The following C9orf152 variants were observed in gnomAD, a reference collection of about 807,000 sequenced individuals.
C9orf152 encodes the protein uncharacterized protein C9orf152.
Under a neutral mutation model 8.5 loss-of-function variants are expected in C9orf152, and 8 were observed. The observed-to-expected ratio is 0.94, with a 90% CI of 0.55 to 1.70. The LOEUF (loss-of-function observed/expected upper bound fraction) is 1.70, where lower values mean the gene tolerates loss of function less well. Among genes scored for constraint, C9orf152 ranks in the 40% most tolerant of loss-of-function variants. C9orf152 has a pLI of 0.00. For synonymous variants in C9orf152, 109 were observed against 113.0 expected, an observed-to-expected ratio of 0.96 and a Z score of 0.22; for missense variants, 293 against 286.2, an observed-to-expected ratio of 1.02 and a Z score of -0.17.
intron 1 of C9orf152, among the ~76,000 whole-genome samples, chr9:110,204,717 A>T (rs1053046650): frequency 2.0e-5 from 3 of 152,206 alleles, no homozygotes; most frequent in African/African-American, 7.2e-5. Flanking sequence ...AATCTCCAGA[A>T]TTCTTCAGTT....
intron 1 of C9orf152, 78 bp downstream of exon 1, chr9:110,207,309 G>A (rs1181572288): frequency 6.6e-7 from 1 of 1,508,500 alleles, no homozygotes; most frequent in African/African-American, 1.4e-5. Context: ...GCAAAGCCCT[G>A]GCTCTGCCTC....
chr9:110,207,398 A>T lies in C9orf152; in HGVS notation c.182T>A (p.Val61Glu). 6.2e-7 allele frequency: 1 copy of T among 1,612,066 alleles called. No homozygotes were observed. Among genetic ancestry groups the T allele is most frequent in the Non-Finnish European group, 8.5e-7 (1 of 1,179,112 alleles). ...CTGTCCATTCCTACCTTTTGGAAGC[A>T]CCAGGAGGTGGGCCTGGGTCCTCTG... is the stretch of plus-strand genomic sequence containing the variant. ...RQQRTQAHLL[V>E]LPKGGNTPAP... The change falls in exon 1 of 2, where the codon GTG (valine) becomes GAG (glutamate). Residue 61 changes from valine to glutamate, a missense_variant. Transcript: ENST00000400613.
rs1240814492 is a variant in C9orf152 at position 110,199,628 on chromosome 9, CA to C, written c.*1319del. The C allele has an allele frequency of 6.6e-6, 1 of 151,934 alleles. No individual in the cohort carries two copies. Among genetic ancestry groups the C allele is most frequent in the Non-Finnish European group, 1.5e-5 (1 of 67,996 alleles). The allele number at this position is 151,934 out of a possible 1,614,324, so 9.4% of individuals were successfully genotyped here. On this transcript the variant is annotated 3_prime_UTR_variant, in exon 2 of 2. Coordinates refer to ENST00000400613, the MANE Select transcript of C9orf152 (RefSeq NM_001012993.3). ...ACAACTGAATTGTATTAATTATTCA[CA>C]AAAGGAATGACAATCCCCAAATTTG...
At chr9:110,207,280 C>T in intron 1 of C9orf152, 107 bp downstream of exon 1, 2 of 1,295,946 alleles carry the variant, frequency 1.5e-6, no homozygotes, top group Admixed American at 2.1e-5. Context: ...CTGCTCTTCC[C>T]CACTGGGAGG....
Position 110,207,891 on chromosome 9 carries a change from C to A in C9orf152, c.-312G>T. On this transcript the variant is annotated 5_prime_UTR_variant, in exon 1 of 2. Transcript: ENST00000400613. ...GGAGGAAGGAGGTGATAGTGACAAGCGGGGATTAATGGGGCGAGAGAAGAA... is the reference window on the plus strand; with the variant it reads ...GGAGGAAGGAGGTGATAGTGACAAGAGGGGATTAATGGGGCGAGAGAAGAA... The A allele has an allele frequency of 3.3e-6, 1 of 302,912 alleles. No homozygotes were observed. The allele number at this position is 302,912 out of a possible 1,614,324, so 18.8% of individuals were successfully genotyped here.
intron 1 of C9orf152, among the ~76,000 whole-genome samples, chr9:110,203,265 C>T (rs10980252): frequency 0.24 from 35,776 of 151,972 alleles, 4,863 homozygotes; most frequent in Middle Eastern, 0.34. Flanking sequence ...CCTTGTGATC[C>T]GCCCGCCTCG....
intron 1 of C9orf152, among the ~76,000 whole-genome samples, chr9:110,204,424 C>T (rs147201687): frequency 4.6e-5 from 7 of 152,300 alleles, no homozygotes; most frequent in East Asian, 1.9e-4. Context: ...AGCTTCTAAA[C>T]GCAACCCAAT....
rs764612111 is a variant in C9orf152, at chr9:110,200,971, G to T, written c.697C>A (p.Leu233Met). 2.4e-5 allele frequency: 39 copies of T among 1,612,082 alleles called. No individual in the cohort carries two copies. The highest frequency in any genetic ancestry group is 3.3e-5 in the Non-Finnish European group (39 of 1,179,190). The part of the protein sequence containing the change: ...TPRISQAARN[L>M]GLYGSA Reference sequence around the variant, plus strand: ...CTTCACGCTGAGCCATATAAGCCCAGGTTCCGGGCAGCTTGGGAGATCCTG... The same window carrying T: ...CTTCACGCTGAGCCATATAAGCCCATGTTCCGGGCAGCTTGGGAGATCCTG... Residue 233 changes from leucine to methionine, a missense_variant, in exon 2 of 2, where the codon CTG (leucine) becomes ATG (methionine). Physicochemically the swap from Leu to Met is conservative, Grantham distance 15. Coordinates refer to ENST00000400613, the MANE Select transcript of C9orf152 (RefSeq NM_001012993.3).
chr9:110,203,238 T>A (rs1837241854), intron 1 of C9orf152, among the ~76,000 whole-genome samples: 2 of 152,092 alleles, frequency 1.3e-5, no homozygotes, highest in Non-Finnish European at 2.9e-5. Context: ...TTAGCCAGGA[T>A]GGTCTCGATT....
In C9orf152 at chr9:110,207,414, G is replaced by T; in HGVS notation, c.166C>A (p.Gln56Lys). 1 of 1,612,984 alleles carries T rather than the reference G, an allele frequency of 6.2e-7. No homozygotes were observed. The highest frequency in any genetic ancestry group is 2.2e-5 in the East Asian group (1 of 44,762). ...YEGLKRQQRT[Q>K]AHLLVLPKGG... ...TTTGGAAGCACCAGGAGGTGGGCCT[G>T]GGTCCTCTGCTGCCTCTTCAAGCCT... The change falls in exon 1 of 2, where the codon CAG becomes AAG. Residue 56 changes from glutamine to lysine, a missense_variant. Physicochemically the swap from Gln to Lys is moderately conservative, Grantham distance 53. Transcript: ENST00000400613.
chr9:110,205,614 G>A (rs1837265618), intron 1 of C9orf152, among the ~76,000 whole-genome samples: 1 of 152,168 alleles, frequency 6.6e-6, no homozygotes, highest in Non-Finnish European at 1.5e-5. Context: ...CAATTGACAG[G>A]TGAGGAAACT....
chr9:110,204,603 AAT>A (rs1045148321), intron 1 of C9orf152, among the ~76,000 whole-genome samples: 5 of 152,156 alleles, frequency 3.3e-5, no homozygotes, highest in Non-Finnish European at 5.9e-5. Flanking sequence ...TACCACTTAA[AAT>A]ATGTTTAATT....
At chr9:110,206,470 T>A (rs1365800859) in intron 1 of C9orf152, among the ~76,000 whole-genome samples, 5 of 152,196 alleles carry the variant, frequency 3.3e-5, no homozygotes, top group Non-Finnish European at 7.3e-5. Context: ...CCTGCAGAGA[T>A]GGTGACTGTT....
intron 1 of C9orf152, among the ~76,000 whole-genome samples, chr9:110,204,261 A>C (rs1224309091): frequency 1.3e-5 from 2 of 152,222 alleles, no homozygotes; most frequent in African/African-American, 2.4e-5. Context: ...AAGTAGCTCA[A>C]GGTCCCCTGG....
chr9:110,205,531 T>C (rs1364010106), intron 1 of C9orf152, among the ~76,000 whole-genome samples: 1 of 152,200 alleles, frequency 6.6e-6, no homozygotes, highest in African/African-American at 2.4e-5. Context: ...GCATAAGGCC[T>C]TGATGAGCTT....
Position 110,200,837 on chromosome 9 carries a change from T to C in C9orf152, c.*111A>G. The C allele has an allele frequency of 1.9e-6, 2 of 1,027,752 alleles. No individual in the cohort carries two copies. Among genetic ancestry groups the C allele is most frequent in the Non-Finnish European group, 2.9e-6 (2 of 694,588 alleles). The allele number at this position is 1,027,752 out of a possible 1,614,324, so 63.7% of individuals were successfully genotyped here. On this transcript the variant is annotated 3_prime_UTR_variant, in exon 2 of 2. Coordinates refer to ENST00000400613, the MANE Select transcript of C9orf152 (RefSeq NM_001012993.3). The stretch of plus-strand genomic sequence containing the variant: ...TCTCCCACAATTCCTATAATTAGGT[T>C]AGTCCAGTTCTTGCTCATAGCTAGA...
chr9:110,201,467 G>A lies in C9orf152; in HGVS notation c.201C>T (p.Asn67=). ...AHLLVLPKGG[N]TPAPAESMVN... ...CCATCGATTCTGCAGGAGCAGGTGT[G>A]TTTCCTCCTGAAAAGAGAATGCACC... The change falls in exon 2 of 2, where the codon AAC becomes AAT. Residue 67 remains asparagine, a synonymous_variant. Coordinates refer to ENST00000400613, the MANE Select transcript of C9orf152 (RefSeq NM_001012993.3). 1 of 1,507,352 alleles carries A rather than the reference G, an allele frequency of 6.6e-7. No individual in the cohort carries two copies. Among genetic ancestry groups the A allele is most frequent in the East Asian group, 2.3e-5 (1 of 44,036 alleles). 93.4% of individuals were successfully genotyped at this position (1,507,352 alleles called of 1,614,324 possible).
chr9:110,205,629 C>T (rs1837265855), intron 1 of C9orf152, among the ~76,000 whole-genome samples: 1 of 152,072 alleles, frequency 6.6e-6, no homozygotes, highest in Non-Finnish European at 1.5e-5. Context: ...GAAACTGAGC[C>T]CCAGAAAATT....
At chr9:110,204,547 C>T (rs1237634701) in intron 1 of C9orf152, among the ~76,000 whole-genome samples, 1 of 152,168 alleles carries the variant, frequency 6.6e-6, no homozygotes, top group African/African-American at 2.4e-5. Flanking sequence ...TCTAAAATCC[C>T]TCTACCAGCT....
Sources: allele counts gnomAD v4.1 joint callset (sites outside exome capture counted in the v4.1 genomes callset), GRCh38; gene constraint gnomAD v4.1.1; transcripts MANE v1.5; gene names NCBI Gene and HGNC (gene_info 2026-07-23, HGNC 2026-07-21).